The following ABCC4 variants were observed in gnomAD, a reference collection of about 807,000 sequenced individuals.
ABCC4 encodes ATP-binding cassette sub-family C member 4.
A neutral mutation model predicts 168.5 loss-of-function variants in ABCC4; 102 were observed. That is an observed-to-expected ratio of 0.61 (90% CI 0.52 to 0.71). The LOEUF (loss-of-function observed/expected upper bound fraction) is 0.71, where lower values mean the gene tolerates loss of function less well. ABCC4 is among the 30% of genes least tolerant of loss of function. The pLI, the probability that ABCC4 is intolerant of heterozygous loss-of-function variation, is 0.00. For synonymous variants in ABCC4, 617 were observed against 590.7 expected (o/e 1.04, Z -0.65); for missense variants, 1,402 against 1,605.8 (o/e 0.87, Z 2.17).
intron 8 of ABCC4, among the ~76,000 whole-genome samples, chr13:95,197,159 C>G (rs1594280392): frequency 6.6e-6 from 1 of 152,212 alleles, no homozygotes; most frequent in Admixed American, 6.5e-5. Context: ...TGCATGAACA[C>G]TGCACTGCAC....
At chr13:95,161,451 T>G in intron 18 of ABCC4, 116 bp from the exon 19 acceptor site, 1 of 760,752 alleles carries the variant, frequency 1.3e-6, no homozygotes, top group Non-Finnish European at 2.0e-6. Context: ...CCATAAAGCA[T>G]CTGGATTCTA....
At chr13:95,250,766 T>C (rs953255348) in intron 1 of ABCC4, among the ~76,000 whole-genome samples, 5 of 140,500 alleles carry the variant, frequency 3.6e-5, no homozygotes, top group South Asian at 2.4e-4. Flanking sequence ...TCTTTTTTTT[T>C]TTTTTTTTTT....
chr13:95,043,858 C>T, intron 28 of ABCC4, 71 bp from the exon 29 acceptor site: 1 of 1,024,500 alleles, frequency 9.8e-7, no homozygotes, highest in Non-Finnish European at 1.5e-6. Context: ...AAAAGCTCTA[C>T]TTCACAATAG....
intron 19 of ABCC4, among the ~76,000 whole-genome samples, chr13:95,117,247 A>G (rs1276776379): frequency 7.4e-6 from 1 of 135,746 alleles, no homozygotes; most frequent in East Asian, 2.1e-4. Context: ...AAACGGGCTC[A>G]TGCCTGTTAA....
intron 20 of ABCC4, among the ~76,000 whole-genome samples, chr13:95,087,273 C>T (rs7986666): frequency 0.042 from 6,431 of 152,182 alleles, 314 homozygotes; most frequent in East Asian, 0.22. Flanking sequence ...CGCCTATAAT[C>T]CTAACACTTT....
At chr13:95,246,242 A>G (rs1391795574) in intron 3 of ABCC4, among the ~76,000 whole-genome samples, 1 of 152,186 alleles carries the variant, frequency 6.6e-6, no homozygotes, top group Non-Finnish European at 1.5e-5. Flanking sequence ...TCTACCTTCC[A>G]ACCAGCAATC....
intron 1 of ABCC4, among the ~76,000 whole-genome samples, chr13:95,278,180 CT>C (rs1436503918): frequency 6.6e-6 from 1 of 152,188 alleles, no homozygotes; most frequent in Admixed American, 6.5e-5. Context: ...CCAATCATTA[CT>C]TTGGATAAAA....
At chr13:95,189,124 CTTTTT>C (rs61449462) in intron 9 of ABCC4, among the ~76,000 whole-genome samples, 7 of 67,266 alleles carry the variant, frequency 1.0e-4, no homozygotes, top group Admixed American at 1.8e-4. Context: ...AAACAATATT[CTTTTT>C]TTTTTTTTTT....
intron 4 of ABCC4, among the ~76,000 whole-genome samples, chr13:95,229,721 G>A (rs144923748): frequency 1.8e-3 from 280 of 152,292 alleles, no homozygotes; most frequent in Middle Eastern, 3.4e-3. Context: ...TTCCATCGTA[G>A]GTCTAGCATT....
chr13:95,128,191 A>C (rs1402308696), intron 19 of ABCC4, among the ~76,000 whole-genome samples: 1 of 152,174 alleles, frequency 6.6e-6, no homozygotes, highest in Admixed American at 6.5e-5. Flanking sequence ...TGTGGAGGTA[A>C]TTAAATAACA....
intron 30 of ABCC4, among the ~76,000 whole-genome samples, chr13:95,032,182 AAC>A (rs2031905316): frequency 6.6e-6 from 1 of 152,216 alleles, no homozygotes; most frequent in African/African-American, 2.4e-5. Flanking sequence ...GAAAATTCAG[AAC>A]ACAGATTTTT....
At chr13:95,204,915 C>T (rs1594293517) in intron 8 of ABCC4, among the ~76,000 whole-genome samples, 1 of 152,164 alleles carries the variant, frequency 6.6e-6, no homozygotes, top group African/African-American at 2.4e-5. Flanking sequence ...CCTGCAATCA[C>T]GGTGAGGGGC....
rs549586286 is a variant in ABCC4 at position 95,131,269 on chromosome 13, C to T, written c.2456-15268G>A. ...AAAGGGGAAGCATGCCAAGGAAAGG[C>T]GACAAGAGGGGACGCACAACAAAAA... On this transcript the variant is annotated intron_variant, in intron 19 of 30. Transcript: ENST00000645237. Among the ~76,000 whole-genome samples the T allele has an allele frequency of 9.9e-5, 15 of 152,200 alleles. No individual in the cohort carries two copies. The East Asian group carries it at 1.7e-3, about 18-fold the overall frequency.
Position 95,166,266 on chromosome 13 carries a change from T to C in ABCC4, c.1926A>G (p.Pro642=), listed in dbSNP as rs775310942. The change falls in exon 15 of 31, where the codon CCA becomes CCG. Residue 642 remains proline, a synonymous_variant. Transcript: ENST00000645237. ...KKDNEESEQP[P]VPGTPTLRNR... is the part of the protein sequence containing the mutation. ...TCCTTAGTGTGGGAGTTCCTGGAACTGGAGGTTGTTCACTTTCCTCATTAT... is the reference window on the plus strand; with the variant it reads ...TCCTTAGTGTGGGAGTTCCTGGAACCGGAGGTTGTTCACTTTCCTCATTAT... 110 of 1,614,056 alleles carry C rather than the reference T, an allele frequency of 6.8e-5. No homozygotes were observed. The highest frequency in any genetic ancestry group is 8.7e-5 in the Non-Finnish European group (103 of 1,180,012).
chr13:95,176,244 G>GC (rs1555326462), intron 13 of ABCC4, among the ~76,000 whole-genome samples: 4 of 44,914 alleles, frequency 8.9e-5, no homozygotes, highest in Admixed American at 7.3e-4. Context: ...GGGGGGGGGG[G>GC]GTGGATCCCT....
intron 1 of ABCC4, among the ~76,000 whole-genome samples, chr13:95,258,729 A>C (rs2040454222): frequency 6.6e-6 from 1 of 152,152 alleles, no homozygotes; most frequent in Non-Finnish European, 1.5e-5. Flanking sequence ...GAGAACACCC[A>C]CATCTGGGGC....
chr13:95,120,362 C>T (rs2035523819), intron 19 of ABCC4, among the ~76,000 whole-genome samples: 1 of 151,954 alleles, frequency 6.6e-6, no homozygotes, highest in Non-Finnish European at 1.5e-5. Flanking sequence ...GTCAGGAGTT[C>T]AAGACCGGCC....
At chr13:95,024,206 CAAAA>C (rs71207428) in intron 30 of ABCC4, among the ~76,000 whole-genome samples, 10 of 43,938 alleles carry the variant, frequency 2.3e-4, no homozygotes, top group South Asian at 9.4e-4. Flanking sequence ...GAGACTGTCT[CAAAA>C]AAAAAAAAAA....
At chr13:95,197,169 C>T (rs531470141) in intron 8 of ABCC4, among the ~76,000 whole-genome samples, 52 of 152,350 alleles carry the variant, frequency 3.4e-4, no homozygotes, top group Non-Finnish European at 6.0e-4. Flanking sequence ...CTGCACTGCA[C>T]ACGGGGTCAG....
Sources: gnomAD v4.1 joint callset for allele counts (sites outside exome capture counted in the v4.1 genomes callset) on GRCh38, gnomAD v4.1.1 for gene constraint, MANE v1.5 for transcripts, NCBI Gene and HGNC (gene_info 2026-07-23, HGNC 2026-07-21) for gene names.